The following CCDC150 variants were observed in gnomAD, a reference collection of about 807,000 sequenced individuals.
The protein encoded by CCDC150 is coiled-coil domain containing 150.
In CCDC150, 151 loss-of-function variants were observed where a neutral mutation model predicts 156.5. The ratio of observed to expected loss-of-function variants is 0.97; its 90% CI spans 0.85 to 1.10. The LOEUF (loss-of-function observed/expected upper bound fraction) is 1.10, where lower values mean the gene tolerates loss of function less well. Among genes scored for constraint, CCDC150 ranks in the 50% least tolerant of loss-of-function variants. CCDC150 has a pLI of 0.00. For missense variants in CCDC150, 1,312 were observed against 1,268.1 expected (o/e 1.03, Z -0.53); for synonymous variants, 452 against 429.4 (o/e 1.05, Z -0.65).
chr2:196,717,921 C>T (rs888288960), intron 17 of CCDC150, among the ~76,000 whole-genome samples: 2 of 151,820 alleles, frequency 1.3e-5, no homozygotes, highest in East Asian at 1.9e-4. Context: ...AAGGGTACAT[C>T]GGACTCTGCA....
rs539977374 is a variant in CCDC150 at position 196,653,717 on chromosome 2, A to AT, written c.177-2914dup. Reference sequence around the variant, plus strand: ...CTCCAAACTCTTCCAATCTCTGCCCATTACCCAGTTCCAAAGCTGCTTTTA... The same window carrying AT: ...CTCCAAACTCTTCCAATCTCTGCCCATTTACCCAGTTCCAAAGCTGCTTTTA... On this transcript the variant is annotated intron_variant, in intron 2 of 27. Coordinates refer to ENST00000389175, the MANE Select transcript of CCDC150 (RefSeq NM_001080539.2). Among the ~76,000 whole-genome samples, 214 of 152,238 alleles carry AT rather than the reference A, an allele frequency of 1.4e-3. 1 individual carries two copies. The highest frequency in any genetic ancestry group is 6.8e-3 in the Middle Eastern group (2 of 294).
At position 196,732,028 on chromosome 2, in the gene CCDC150, T is replaced by G. The variant is rs1698546055; in HGVS notation, c.3070-5T>G. The G allele has an allele frequency of 6.2e-7, 1 of 1,613,526 alleles. No individual in the cohort carries two copies. The highest frequency in any genetic ancestry group is 8.5e-7 in the Non-Finnish European group (1 of 1,179,582). On this transcript the variant is annotated splice_region_variant and splice_polypyrimidine_tract_variant and intron_variant, in intron 26 of 27. Coordinates refer to ENST00000389175, the MANE Select transcript of CCDC150 (RefSeq NM_001080539.2). ...GTCTTTTAATGGTGATATTTATATG[T>G]TCAGATAACAGCTAATCTGGAAGAA...
rs1169048020 is a variant in CCDC150 at position 196,701,237 on chromosome 2, A to G, written c.1695+57A>G. 5 of 1,132,850 alleles carry G rather than the reference A, an allele frequency of 4.4e-6. No homozygotes were observed. In the African/African-American group the frequency reaches 7.8e-5, roughly 18 times the overall value. The allele number at this position is 1,132,850 out of a possible 1,614,324, so 70.2% of individuals were successfully genotyped here. ...TGAATTTTAAAAATACCAATTATCA[A>G]ATTAAATATTGCTAGATTTTGAGAA... On this transcript the variant is annotated intron_variant, in intron 15 of 27. Coordinates refer to ENST00000389175, the MANE Select transcript of CCDC150 (RefSeq NM_001080539.2).
chr2:196,719,700 T>C (rs747067220), intron 19 of CCDC150, 34 bp downstream of exon 19: 37 of 1,551,410 alleles, frequency 2.4e-5, no homozygotes, highest in Non-Finnish European at 2.2e-5. Context: ...TCATTGGTAT[T>C]GCTGGATTGT....
chr2:196,673,002 C>G (rs187616843), intron 9 of CCDC150, among the ~76,000 whole-genome samples: 6 of 152,232 alleles, frequency 3.9e-5, no homozygotes, highest in Non-Finnish European at 7.4e-5. Flanking sequence ...TTTAAAATAA[C>G]TTTTCTCTTG....
intron 5 of CCDC150, among the ~76,000 whole-genome samples, chr2:196,659,753 T>C (rs1187937862): frequency 6.6e-6 from 1 of 152,292 alleles, no homozygotes; most frequent in Non-Finnish European, 1.5e-5. Context: ...CTCTCTCCAC[T>C]CCTGCAGTTT....
rs114568433 is a variant in CCDC150, at chr2:196,729,423, C to T, written c.2751+36C>T. ...AAACCTCTTCTCACTTCCTGGATAC[C>T]CTGTGAGGATGTAGTCAGTCAATGG... On this transcript the variant is annotated intron_variant, in intron 23 of 27. Transcript: ENST00000389175. 387 of 1,587,856 alleles carry T rather than the reference C, an allele frequency of 2.4e-4. 1 individual carries two copies. Among genetic ancestry groups the T allele is most frequent in the Non-Finnish European group, 3.3e-4 (377 of 1,157,108 alleles).
At chr2:196,696,507 C>A (rs1695840172) in intron 14 of CCDC150, among the ~76,000 whole-genome samples, 1 of 152,168 alleles carries the variant, frequency 6.6e-6, no homozygotes, top group African/African-American at 2.4e-5. Flanking sequence ...GCAGGCCTAG[C>A]CTTACCCTAT....
Position 196,666,739 on chromosome 2 carries a change from C to T in CCDC150, c.783C>T (p.Asn261=), listed in dbSNP as rs75758816. 5.9e-5 allele frequency: 95 copies of T among 1,602,126 alleles called. No individual in the cohort carries two copies. The East Asian group carries it at 1.8e-3, about 31-fold the overall frequency. ...ERKQVHILQQ[N]CIALRDSIQS... is the part of the protein sequence containing the mutation. Reference sequence around the variant, plus strand: ...TTCAGGTGCACATTTTGCAGCAAAACTGCATTGCTCTACGTGATTCTATAC... The same window carrying T: ...TTCAGGTGCACATTTTGCAGCAAAATTGCATTGCTCTACGTGATTCTATAC... Residue 261 remains asparagine (N), a synonymous_variant, in exon 7 of 28, where the codon AAC becomes AAT. Transcript: ENST00000389175.
intron 5 of CCDC150, among the ~76,000 whole-genome samples, chr2:196,664,053 C>G (rs1693705004): frequency 6.6e-6 from 1 of 151,252 alleles, no homozygotes. Context: ...CACTTATTGA[C>G]AGAAATAAGG....
Position 196,721,746 on chromosome 2 carries a change from C to T in CCDC150, c.2429+55C>T, listed in dbSNP as rs1448840708. ...GGGAAGCACCTCTGGAGGAGTAAGT[C>T]ACATTCCCATAAATGGCTCATTCGC... On this transcript the variant is annotated intron_variant, in intron 21 of 27. Transcript: ENST00000389175. 1.3e-5 allele frequency: 18 copies of T among 1,389,586 alleles called. No individual in the cohort carries two copies. In the Admixed American group the frequency reaches 4.4e-4, roughly 34 times the overall value. 86.1% of individuals were successfully genotyped at this position (1,389,586 alleles called of 1,614,324 possible). A position where few individuals can be genotyped will look rare whatever the true frequency, so the allele number is the denominator to read the frequency against.
intron 2 of CCDC150, among the ~76,000 whole-genome samples, chr2:196,649,922 G>T (rs1013589289): frequency 1.2e-4 from 18 of 152,168 alleles, no homozygotes; most frequent in African/African-American, 3.9e-4. Context: ...CTGTACATGA[G>T]ATTTTGTATG....
intron 15 of CCDC150, 109 bp downstream of exon 15, chr2:196,701,289 T>C: frequency 1.0e-5 from 8 of 765,864 alleles, no homozygotes; most frequent in South Asian, 1.9e-5. Flanking sequence ...TTACTAAGTC[T>C]ATAGTCTCTG....
rs769612585 is a variant in CCDC150, at chr2:196,712,208, C to T, written c.1759C>T (p.His587Tyr). 2 of 1,582,504 alleles carry T rather than the reference C, an allele frequency of 1.3e-6. No individual in the cohort carries two copies. The highest frequency in any genetic ancestry group is 1.7e-6 in the Non-Finnish European group (2 of 1,161,262). ...SFTDTSLQND[H>Y]LRKMNKYLQT... ...TACTGACACCAGCTTACAGAATGATCATCTACGCAAGATGAATAAGTATTT... is the reference window on the plus strand; with the variant it reads ...TACTGACACCAGCTTACAGAATGATTATCTACGCAAGATGAATAAGTATTT... Residue 587 changes from histidine (H) to tyrosine (Y), a missense_variant, in exon 16 of 28, where the codon CAT (histidine) becomes TAT (tyrosine). By Grantham distance (83) the His-to-Tyr change is moderately conservative. Transcript: ENST00000389175.
intron 7 of CCDC150, among the ~76,000 whole-genome samples, chr2:196,668,968 A>G (rs1694027723): frequency 6.6e-6 from 1 of 152,186 alleles, no homozygotes; most frequent in Non-Finnish European, 1.5e-5. Flanking sequence ...TTCTGGCTTT[A>G]GAATATTTAA....
chr2:196,659,906 A>G (rs1168006899), intron 5 of CCDC150, among the ~76,000 whole-genome samples: 2 of 152,188 alleles, frequency 1.3e-5, no homozygotes, highest in African/African-American at 4.8e-5. Flanking sequence ...GCATAATGCC[A>G]TGTATTTATC....
At chr2:196,684,540 T>C (rs751873577) in intron 13 of CCDC150, among the ~76,000 whole-genome samples, 77 of 152,258 alleles carry the variant, frequency 5.1e-4, no homozygotes, top group Non-Finnish European at 6.5e-4. Context: ...GGGAGGATTG[T>C]TCTATAGGTG....
At chr2:196,695,239 G>T (rs547759041) in intron 14 of CCDC150, 80 bp downstream of exon 14, 12 of 679,582 alleles carry the variant, frequency 1.8e-5, no homozygotes, top group Non-Finnish European at 2.5e-5. Flanking sequence ...GTCAGGAGAT[G>T]GGTTTTCTTT....
intron 13 of CCDC150, among the ~76,000 whole-genome samples, chr2:196,679,598 G>C (rs967296451): frequency 2.0e-5 from 3 of 152,136 alleles, no homozygotes; most frequent in African/African-American, 7.2e-5. Flanking sequence ...TAAATATTCA[G>C]ATATGCACAT....
Sources: gnomAD v4.1 joint callset for allele counts (sites outside exome capture counted in the v4.1 genomes callset) on GRCh38, gnomAD v4.1.1 for gene constraint, MANE v1.5 for transcripts, NCBI Gene and HGNC (gene_info 2026-07-23, HGNC 2026-07-21) for gene names.